Variants in NLGN1 observed in about 807,000 individuals in gnomAD.
The protein encoded by NLGN1 is neuroligin-1.
NLGN1 carries 12 observed loss-of-function variants against 65.5 expected under a neutral mutation model. That is an observed-to-expected ratio of 0.18 (90% CI 0.12 to 0.30). The LOEUF (loss-of-function observed/expected upper bound fraction) is 0.30, where lower values mean the gene tolerates loss of function less well. Among genes scored for constraint, NLGN1 ranks in the 10% least tolerant of loss-of-function variants. The pLI is 1.00. For missense variants in NLGN1, 750 were observed against 1,007.1 expected, an observed-to-expected ratio of 0.74 and a Z score of 3.46; for synonymous variants, 350 against 359.5, an observed-to-expected ratio of 0.97 and a Z score of 0.30.
At position 173,437,532 on chromosome 3, in the gene NLGN1, T is replaced by A. The variant is rs116333760; in HGVS notation, c.-321+2454T>A. Among the ~76,000 whole-genome samples, 258 of 152,320 alleles carry A rather than the reference T, an allele frequency of 1.7e-3. 1 individual carries two copies. Among genetic ancestry groups the A allele is most frequent in the African/African-American group, 5.9e-3 (245 of 41,568 alleles). On this transcript the variant is annotated intron_variant, in intron 2 of 6. Transcript: ENST00000457714. ...TTGAACGTTGATGGATATGACATTGTGTCTAATCTCAGTTGTATTCTATGG... is the reference window on the plus strand; with the variant it reads ...TTGAACGTTGATGGATATGACATTGAGTCTAATCTCAGTTGTATTCTATGG...
At chr3:173,500,866 G>A (rs994365559) in intron 2 of NLGN1, among the ~76,000 whole-genome samples, 2 of 152,052 alleles carry the variant, frequency 1.3e-5, no homozygotes, top group African/African-American at 4.8e-5. Flanking sequence ...CCATATAATG[G>A]TGTTAATTGA....
chr3:174,061,064 AT>A (rs1199672815), intron 4 of NLGN1, among the ~76,000 whole-genome samples: 1 of 152,054 alleles, frequency 6.6e-6, no homozygotes, highest in Non-Finnish European at 1.5e-5. Context: ...AGGTCTCAAT[AT>A]CTATTCTGGT....
intron 4 of NLGN1, among the ~76,000 whole-genome samples, chr3:173,941,664 T>C (rs1423550457): frequency 6.6e-6 from 1 of 151,890 alleles, no homozygotes; most frequent in East Asian, 1.9e-4. Flanking sequence ...AGATAGATAA[T>C]AGATCAATTA....
At chr3:173,420,987 CA>C (rs1714935664) in intron 1 of NLGN1, among the ~76,000 whole-genome samples, 1 of 152,082 alleles carries the variant, frequency 6.6e-6, no homozygotes, top group Non-Finnish European at 1.5e-5. Flanking sequence ...AAGCCCTGTG[CA>C]TTAATTACTC....
In NLGN1 at chr3:173,605,622, G is replaced by A. The variant is rs1309956084; in HGVS notation, c.493+531G>A. 4.3e-6 allele frequency: 5 copies of A among 1,158,746 alleles called. No homozygotes were observed. The African/African-American group carries it at 6.3e-5, about 15-fold the overall frequency. 71.8% of individuals were successfully genotyped at this position (1,158,746 alleles called of 1,614,324 possible). A position where few individuals can be genotyped will look rare whatever the true frequency, so the allele number is the denominator to read the frequency against. ...TGTATAAAAGTGGAAATTAAAAATG[G>A]GGGAAAAAGCTTGCAGAGGAAGAAC... On this transcript the variant is annotated intron_variant, in intron 3 of 6. Transcript: ENST00000457714.
At chr3:173,941,555 C>T (rs1340762350) in intron 4 of NLGN1, among the ~76,000 whole-genome samples, 1 of 151,896 alleles carries the variant, frequency 6.6e-6, no homozygotes, top group East Asian at 1.9e-4. Context: ...CCATGCATTA[C>T]CTTAACCTCA....
At position 173,531,980 on chromosome 3, in the gene NLGN1, C is replaced by A. The variant is rs1013424728; in HGVS notation, c.-320-72299C>A. 5.3e-5 allele frequency among the ~76,000 whole-genome samples: 8 copies of A among 152,128 alleles called. No homozygotes were observed. In the East Asian group the frequency reaches 1.5e-3, roughly 29 times the overall value. On this transcript the variant is annotated intron_variant, in intron 2 of 6. Coordinates refer to ENST00000457714, the Ensembl canonical transcript of NLGN1. ...AGTTCTATTTTATAGAAGTGCATTTCAACTCCTACTATTACTATTGCCTTT... is the reference window on the plus strand; with the variant it reads ...AGTTCTATTTTATAGAAGTGCATTTAAACTCCTACTATTACTATTGCCTTT...
intron 4 of NLGN1, among the ~76,000 whole-genome samples, chr3:174,100,777 G>A (rs1037178433): frequency 6.6e-6 from 1 of 151,854 alleles, no homozygotes; most frequent in Non-Finnish European, 1.5e-5. Flanking sequence ...TTCATAAGGG[G>A]TAAGAAAGGT....
chr3:174,258,752 AAAAAT>A (rs1298209507), intron 4 of NLGN1, among the ~76,000 whole-genome samples: 2 of 152,210 alleles, frequency 1.3e-5, no homozygotes, highest in Non-Finnish European at 2.9e-5. Context: ...CAAAGTCAAG[AAAAAT>A]AAAGACCAAC....
At chr3:174,265,379 G>A (rs1577683361) in intron 4 of NLGN1, among the ~76,000 whole-genome samples, 1 of 152,168 alleles carries the variant, frequency 6.6e-6, no homozygotes, top group Admixed American at 6.5e-5. Flanking sequence ...ATGTAATCTT[G>A]TGGTGCGCCG....
intron 3 of NLGN1, among the ~76,000 whole-genome samples, chr3:173,642,930 A>G (rs1183776820): frequency 2.6e-5 from 4 of 152,218 alleles, no homozygotes; most frequent in African/African-American, 7.2e-5. Flanking sequence ...CAAGACATTA[A>G]AAGTCATAAC....
At chr3:173,492,573 T>A (rs1729362785) in intron 2 of NLGN1, among the ~76,000 whole-genome samples, 1 of 151,894 alleles carries the variant, frequency 6.6e-6, no homozygotes, top group African/African-American at 2.4e-5. Flanking sequence ...TGTGCATATA[T>A]GTGGCTCATG....
intron 2 of NLGN1, among the ~76,000 whole-genome samples, chr3:173,599,647 A>G (rs1279631964): frequency 6.6e-6 from 1 of 152,136 alleles, no homozygotes; most frequent in Non-Finnish European, 1.5e-5. Flanking sequence ...TTATTACCAT[A>G]TATAGTTAAT....
intron 4 of NLGN1, among the ~76,000 whole-genome samples, chr3:173,898,026 A>G (rs1189743644): frequency 6.6e-6 from 1 of 151,528 alleles, no homozygotes; most frequent in Non-Finnish European, 1.5e-5. Context: ...ATCATGATTC[A>G]ATAGCAAAAA....
At chr3:173,518,493 ATATG>A (rs1268964663) in intron 2 of NLGN1, among the ~76,000 whole-genome samples, 2 of 150,798 alleles carry the variant, frequency 1.3e-5, no homozygotes, top group African/African-American at 2.4e-5. Context: ...TATAAAGTAT[ATATG>A]TATGCATGTA....
intron 3 of NLGN1, among the ~76,000 whole-genome samples, chr3:173,745,533 C>A (rs923294688): frequency 2.6e-5 from 4 of 151,962 alleles, no homozygotes; most frequent in African/African-American, 9.7e-5. Flanking sequence ...AGCAAACTTA[C>A]AAACACCCGT....
intron 4 of NLGN1, among the ~76,000 whole-genome samples, chr3:174,187,363 T>C (rs1419027597): frequency 1.3e-5 from 2 of 152,030 alleles, no homozygotes; most frequent in African/African-American, 2.4e-5. Context: ...CTCTGGATTA[T>C]TGACTTATAA....
chr3:173,837,529 G>A (rs1387869190), intron 4 of NLGN1, among the ~76,000 whole-genome samples: 1 of 152,112 alleles, frequency 6.6e-6, no homozygotes, highest in Non-Finnish European at 1.5e-5. Context: ...ATTCATTAAT[G>A]TACAATATGT....
chr3:173,433,959 T>G (rs988983412), intron 1 of NLGN1, among the ~76,000 whole-genome samples: 1 of 152,190 alleles, frequency 6.6e-6, no homozygotes, highest in African/African-American at 2.4e-5. Context: ...TGATGAAATA[T>G]AGAAGAGTGA....
Sources: allele counts gnomAD v4.1 joint callset (sites outside exome capture counted in the v4.1 genomes callset), GRCh38; gene constraint gnomAD v4.1.1; transcripts MANE v1.5; gene names NCBI Gene and HGNC (gene_info 2026-07-23, HGNC 2026-07-21).